Variants in ZFHX2 observed in about 807,000 individuals in gnomAD.
ZFHX2 encodes the protein zinc finger homeobox protein 2.
ZFHX2 carries 75 observed loss-of-function variants against 164.8 expected under a neutral mutation model. That is an observed-to-expected ratio of 0.46 (90% CI 0.38 to 0.55). The LOEUF (loss-of-function observed/expected upper bound fraction) is 0.55. Ranked by LOEUF, ZFHX2 falls within the 20% of genes least tolerant of loss-of-function variation. The pLI, the probability that ZFHX2 is intolerant of heterozygous loss-of-function variation, is 0.00. For synonymous variants in ZFHX2, 1,217 were observed against 1,351.4 expected, an observed-to-expected ratio of 0.90 and a Z score of 2.18; for missense variants, 2,933 against 3,308.0, an observed-to-expected ratio of 0.89 and a Z score of 2.78.
chr14:23,534,867 G>A lies in ZFHX2; in HGVS notation c.459C>T (p.Pro153=). The change falls in exon 2 of 10, where the codon CCC becomes CCT. Residue 153 remains proline, a synonymous_variant. Transcript: ENST00000419474. This position sits in a 1 kb window ranked among gnomAD's most constrained non-coding sequence, Gnocchi z 4.5. ...PWGEAGIKEE[P]SLPFLAYPPP... ...GTGGGTAGGCAAGGAAGGGCAGACT[G>A]GGCTCTTCCTTGATGCCCGCCTCAC... The A allele has an allele frequency of 6.5e-7, 1 of 1,536,126 alleles. No homozygotes were observed. The highest frequency in any genetic ancestry group is 8.7e-7 in the Non-Finnish European group (1 of 1,146,896).
In ZFHX2 at chr14:23,534,776, A is replaced by G; in HGVS notation, c.550T>C (p.Ser184Pro). ...GTATCATGGGACAGAATTTGGTCAG[A>G]AGAGCTAAAGCCTTGGATTGGGTCA... Reference protein sequence around the residue: ...GFDPIQGFSSSDQILSHDTSA... With the variant: ...GFDPIQGFSSPDQILSHDTSA... Residue 184 changes from serine (S) to proline (P), a missense_variant, in exon 2 of 10, where the codon TCT becomes CCT. Transcript: ENST00000419474. This position sits in a 1 kb window ranked among gnomAD's most constrained non-coding sequence, Gnocchi z 4.5. 7 of 1,536,212 alleles carry G rather than the reference A, an allele frequency of 4.6e-6. No homozygotes were observed. Among genetic ancestry groups the G allele is most frequent in the Non-Finnish European group, 6.1e-6 (7 of 1,146,900 alleles).
Position 23,534,675 on chromosome 14 carries a change from G to A in ZFHX2, c.651C>T (p.Pro217=), listed in dbSNP as rs952350604. 2.0e-5 allele frequency: 31 copies of A among 1,536,078 alleles called. No individual in the cohort carries two copies. Among genetic ancestry groups the A allele is most frequent in the African/African-American group, 2.7e-5 (2 of 73,062 alleles). The change falls in exon 2 of 10, where the codon CCC becomes CCT. Residue 217 remains proline (P), a synonymous_variant. Coordinates refer to ENST00000419474, the MANE Select transcript of ZFHX2 (RefSeq NM_033400.3). The surrounding 1 kb of genome is among the most constrained non-coding windows in gnomAD (Gnocchi z 4.5). ...CCATGGGGCCATCTTTGGGATCTCC[G>A]GGTGGATTTGGAGCCAGCTGGTAGC... is the stretch of plus-strand genomic sequence containing the variant. ...FWSYQLAPNP[P]GDPKDGPMGN...
intron 1 of ZFHX2, among the ~76,000 whole-genome samples, chr14:23,547,879 C>T (rs868472858): frequency 1.1e-4 from 17 of 152,284 alleles, no homozygotes; most frequent in Middle Eastern, 3.4e-3. Flanking sequence ...CAGATGTAGC[C>T]ACTCCTCAGA....
chr14:23,536,037 A>G (rs778587591), intron 1 of ZFHX2, among the ~76,000 whole-genome samples: 3 of 152,130 alleles, frequency 2.0e-5, no homozygotes, highest in Non-Finnish European at 2.9e-5. Flanking sequence ...TTCAACAGCA[A>G]CTTCTAAAAC....
chr14:23,524,386 G>C lies in ZFHX2; in HGVS notation c.5556C>G (p.Gly1852=). The stretch of plus-strand genomic sequence containing the variant: ...GCAGGCGCTTGTCCCTGGGGGGCTC[G>C]CCCTCCCCTCCTCCCCCTGCTTCAC... The part of the protein sequence containing the change: ...TGSEAGGGGE[G]EPPRDKRLRT... The change falls in exon 9 of 10, where the codon GGC becomes GGG. Residue 1852 remains glycine, a synonymous_variant. Coordinates refer to ENST00000419474, the MANE Select transcript of ZFHX2 (RefSeq NM_033400.3). The surrounding 1 kb of genome is among the most constrained non-coding windows in gnomAD (Gnocchi z 5.6). 1 of 1,536,158 alleles carries C rather than the reference G, an allele frequency of 6.5e-7. No homozygotes were observed. The highest frequency in any genetic ancestry group is 1.2e-5 in the South Asian group (1 of 84,066).
rs1878913457 is a variant in ZFHX2, at chr14:23,527,589, C to G, written c.3135+15G>C. 6.5e-7 allele frequency: 1 copy of G among 1,536,594 alleles called. No individual in the cohort carries two copies. The highest frequency in any genetic ancestry group is 2.4e-5 in the East Asian group (1 of 40,894). On this transcript the variant is annotated intron_variant, in intron 7 of 9. Coordinates refer to ENST00000419474, the MANE Select transcript of ZFHX2 (RefSeq NM_033400.3). The stretch of plus-strand genomic sequence containing the variant: ...TAAGGTCTTGTTGTACCGTCCTCAC[C>G]CAGCCTGTACTCACTACAAGCAGCA...
Position 23,525,130 on chromosome 14 carries a change from C to A in ZFHX2, c.4812G>T (p.Glu1604Asp). Residue 1604 changes from glutamate (E) to aspartate (D), a missense_variant, in exon 9 of 10, where the codon GAG becomes GAT. Coordinates refer to ENST00000419474, the MANE Select transcript of ZFHX2 (RefSeq NM_033400.3). This position sits in a 1 kb window ranked among gnomAD's most constrained non-coding sequence, Gnocchi z 5.9. ...GRRFSRTKFTEFQTQALQSFF... is the reference protein window; with the variant it reads ...GRRFSRTKFTDFQTQALQSFF... ...AAGACTGCAGGGCTTGGGTCTGGAA[C>A]TCTGTGAACTTGGTTCTGGAGAACC... 1 of 1,536,174 alleles carries A rather than the reference C, an allele frequency of 6.5e-7. No homozygotes were observed. Among genetic ancestry groups the A allele is most frequent in the South Asian group, 1.2e-5 (1 of 84,064 alleles).
rs777223664 is a variant in ZFHX2 at position 23,524,793 on chromosome 14, C to G, written c.5149G>C (p.Glu1717Gln). ...AGGCCCTGTTCCTCCTCTACTTCTT[C>G]TTCTTCCACCTCTTCCTCCTCTTCC... The part of the protein sequence containing the change: ...RGEEEEEVEE[E>Q]EVEEEQGLEP... The change falls in exon 9 of 10, where the codon GAA (glutamate) becomes CAA (glutamine). Residue 1717 changes from glutamate to glutamine, a missense_variant. By Grantham distance (29) the Glu-to-Gln change is conservative. Coordinates refer to ENST00000419474, the MANE Select transcript of ZFHX2 (RefSeq NM_033400.3). This position sits in a 1 kb window ranked among gnomAD's most constrained non-coding sequence, Gnocchi z 5.6. 1.8e-5 allele frequency: 28 copies of G among 1,536,690 alleles called. No homozygotes were observed. Among genetic ancestry groups the G allele is most frequent in the Admixed American group, 3.9e-5 (2 of 50,984 alleles).
At chr14:23,553,520 AC>A (rs1204780044), upstream of ZFHX2, among the ~76,000 whole-genome samples, 1 of 150,538 alleles carries the variant, frequency 6.6e-6, no homozygotes, top group African/African-American at 2.5e-5. Flanking sequence ...AATCGCTTGA[AC>A]CCGGGGGGCA....
At position 23,524,535 on chromosome 14, in the gene ZFHX2, G is replaced by GT; in HGVS notation, c.5406_5407insA (p.Gln1803ThrfsTer33). 6.6e-7 allele frequency: 1 copy of GT among 1,525,350 alleles called. No homozygotes were observed. The highest frequency in any genetic ancestry group is 8.8e-7 in the Non-Finnish European group (1 of 1,140,982). 94.5% of individuals were successfully genotyped at this position (1,525,350 alleles called of 1,614,324 possible). A position where few individuals can be genotyped will look rare whatever the true frequency, so the allele number is the denominator to read the frequency against. ...ACCAGCAAGGGCAGATCTAGGAGTTGGGGGGGAGCACTGGGCTGCAGAGAT... is the reference window on the plus strand; with the variant it reads ...ACCAGCAAGGGCAGATCTAGGAGTTGTGGGGGGAGCACTGGGCTGCAGAGAT... On this transcript the variant is annotated frameshift_variant, in exon 9 of 10. Coordinates refer to ENST00000419474, the MANE Select transcript of ZFHX2 (RefSeq NM_033400.3). LOFTEE classifies it high-confidence loss of function. The surrounding 1 kb of genome is among the most constrained non-coding windows in gnomAD (Gnocchi z 5.6).
rs774626952 is a variant in ZFHX2, at chr14:23,529,709, C to G, written c.2934+1G>C. On this transcript the variant is annotated splice_donor_variant, in intron 6 of 9. Transcript: ENST00000419474. LOFTEE classifies it high-confidence loss of function. ...CTCTTCCCAGTTACCCCAATTCTGA[C>G]CGTGGTCTGGTTGGCACTGTCTCTG... 2 of 1,536,160 alleles carry G rather than the reference C, an allele frequency of 1.3e-6. No homozygotes were observed. Among genetic ancestry groups the G allele is most frequent in the Admixed American group, 2.0e-5 (1 of 51,010 alleles).
rs1381891180 is a variant in ZFHX2, at chr14:23,531,864, A to G, written c.2560-143T>C. 17 of 1,112,112 alleles carry G rather than the reference A, an allele frequency of 1.5e-5. No homozygotes were observed. In the East Asian group the frequency reaches 1.6e-4, roughly 11 times the overall value. The allele number at this position is 1,112,112 out of a possible 1,614,324, so 68.9% of individuals were successfully genotyped here. On this transcript the variant is annotated intron_variant, in intron 3 of 9. Coordinates refer to ENST00000419474, the MANE Select transcript of ZFHX2 (RefSeq NM_033400.3). ...ATGATCTCTACTCACTGAAGCCTCTACCTCCTGGGTTCAGTGATTCTCATG... is the reference window on the plus strand; with the variant it reads ...ATGATCTCTACTCACTGAAGCCTCTGCCTCCTGGGTTCAGTGATTCTCATG...
In ZFHX2 at chr14:23,529,702, A is replaced by G. The variant is rs1416644865; in HGVS notation, c.2934+8T>C. ...ACTTCAGCTCTTCCCAGTTACCCCAATTCTGACCGTGGTCTGGTTGGCACT... is the reference window on the plus strand; with the variant it reads ...ACTTCAGCTCTTCCCAGTTACCCCAGTTCTGACCGTGGTCTGGTTGGCACT... On this transcript the variant is annotated splice_region_variant and intron_variant, in intron 6 of 9. Transcript: ENST00000419474. The G allele has an allele frequency of 4.6e-6, 7 of 1,535,942 alleles. No homozygotes were observed. In the East Asian group the frequency reaches 9.8e-5, roughly 21 times the overall value.
At chr14:23,530,757 C>T (rs1475359822) in intron 4 of ZFHX2, 5 of 278,306 alleles carry the variant, frequency 1.8e-5, no homozygotes, top group Non-Finnish European at 2.8e-5. Flanking sequence ...CCCTCCGGCA[C>T]TTAACTCCAG....
Position 23,524,673 on chromosome 14 carries a change from G to C in ZFHX2, c.5269C>G (p.Pro1757Ala). ...GGTGATGGAGTAGCCTTCTCTTCAG[G>C]CTCTTTGCCTCCTGCCTTTGTTGCC... Reference protein sequence around the residue: ...AEATKAGGKEPEEKATPSPSP... With the variant: ...AEATKAGGKEAEEKATPSPSP... Residue 1757 changes from proline to alanine, a missense_variant, in exon 9 of 10, where the codon CCT becomes GCT. Transcript: ENST00000419474. This position sits in a 1 kb window ranked among gnomAD's most constrained non-coding sequence, Gnocchi z 5.6. 1 of 1,536,328 alleles carries C rather than the reference G, an allele frequency of 6.5e-7. No homozygotes were observed.
chr14:23,538,680 G>A (rs1880459010), intron 1 of ZFHX2, among the ~76,000 whole-genome samples: 3 of 152,252 alleles, frequency 2.0e-5, no homozygotes, highest in Admixed American at 2.0e-4. Flanking sequence ...GAGACAAGGC[G>A]ACCCCTGAAA....
intron 1 of ZFHX2, among the ~76,000 whole-genome samples, chr14:23,541,287 ATTT>A (rs34645391): frequency 3.8e-5 from 5 of 130,056 alleles, no homozygotes; most frequent in Non-Finnish European, 4.9e-5. Flanking sequence ...GATGGACAGG[ATTT>A]TTTTTTTTTT....
chr14:23,522,955 AGGAAG>A lies in ZFHX2; in HGVS notation c.6740-19_6740-15del. 7 of 1,437,498 alleles carry A rather than the reference AGGAAG, an allele frequency of 4.9e-6. No homozygotes were observed. The highest frequency in any genetic ancestry group is 6.4e-6 in the Non-Finnish European group (7 of 1,100,520). 89.0% of individuals were successfully genotyped at this position (1,437,498 alleles called of 1,614,324 possible). On this transcript the variant is annotated splice_polypyrimidine_tract_variant and intron_variant, in intron 9 of 9. Transcript: ENST00000419474. ...AGGCTGCCGGGCCTAGAAAGGTGAA[AGGAAG>A]GATGAAGGATTAGCCATCTCCTGTC...
intron 1 of ZFHX2, among the ~76,000 whole-genome samples, chr14:23,550,676 G>A (rs1001051872): frequency 6.6e-6 from 1 of 152,194 alleles, no homozygotes; most frequent in Non-Finnish European, 1.5e-5. Context: ...CGAGCGGATG[G>A]GGGTGGTAGG....
Sources: gnomAD v4.1 joint callset for allele counts (sites outside exome capture counted in the v4.1 genomes callset) on GRCh38, gnomAD v4.1.1 for gene constraint, Gnocchi (gnomAD v3.1) non-coding constraint, MANE v1.5 for transcripts, NCBI Gene and HGNC (gene_info 2026-07-23, HGNC 2026-07-21) for gene names.